Variants in HDAC9 observed in about 807,000 individuals in gnomAD.
HDAC9 encodes MEF-2 interacting transcription repressor (MITR) protein.
HDAC9 carries 41 observed loss-of-function variants against 139.4 expected under a neutral mutation model. That is an observed-to-expected ratio of 0.29 (90% CI 0.23 to 0.38). HDAC9 has a LOEUF of 0.38. HDAC9 is among the 10% of genes least tolerant of loss of function. The pLI, the probability that HDAC9 is intolerant of heterozygous loss-of-function variation, is 1.00. For missense variants in HDAC9, 1,147 were observed against 1,297.0 expected, an observed-to-expected ratio of 0.88 and a Z score of 1.78; for synonymous variants, 517 against 476.2, an observed-to-expected ratio of 1.09 and a Z score of -1.12.
intron 6 of HDAC9, among the ~76,000 whole-genome samples, chr7:18,618,807 A>T (rs1364641655): frequency 6.7e-6 from 1 of 148,812 alleles, no homozygotes; most frequent in Non-Finnish European, 1.5e-5. Context: ...GAATAATTAC[A>T]CAGAATTTTA....
chr7:18,089,042 T>C (rs1245997853), intron 1 of HDAC9, among the ~76,000 whole-genome samples: 1 of 152,228 alleles, frequency 6.6e-6, no homozygotes, highest in Admixed American at 6.5e-5. Context: ...GGCAATCCTG[T>C]CTGACCTTTG....
intron 16 of HDAC9, among the ~76,000 whole-genome samples, chr7:18,770,137 A>G (rs749798114): frequency 3.3e-5 from 5 of 152,162 alleles, no homozygotes; most frequent in Non-Finnish European, 7.3e-5. Context: ...CTGTTGGTCA[A>G]GCAGCTCAGT....
At chr7:18,853,993 G>T (rs1219138368) in intron 21 of HDAC9, among the ~76,000 whole-genome samples, 1 of 152,124 alleles carries the variant, frequency 6.6e-6, no homozygotes, top group Non-Finnish European at 1.5e-5. Context: ...CAAGGAAAAT[G>T]TAGTTCACTT....
At chr7:18,707,873 G>A (rs1379739707) in intron 12 of HDAC9, among the ~76,000 whole-genome samples, 2 of 151,920 alleles carry the variant, frequency 1.3e-5, no homozygotes, top group Non-Finnish European at 2.9e-5. Flanking sequence ...GTGTGTGTGT[G>A]TGTATGCACG....
chr7:18,787,630 G>GAA, intron 16 of HDAC9, among the ~76,000 whole-genome samples: 1 of 152,210 alleles, frequency 6.6e-6, no homozygotes, highest in African/African-American at 2.4e-5. Context: ...GAATATTTAG[G>GAA]GATTTCCATA....
At chr7:18,309,993 C>G (rs1799193438) in intron 1 of HDAC9, among the ~76,000 whole-genome samples, 1 of 152,154 alleles carries the variant, frequency 6.6e-6, no homozygotes, top group Non-Finnish European at 1.5e-5. Flanking sequence ...ATTAGAAATG[C>G]AAATTCTAGG....
chr7:18,588,847 G>A (rs575709179), intron 3 of HDAC9, among the ~76,000 whole-genome samples: 1 of 152,204 alleles, frequency 6.6e-6, no homozygotes, highest in South Asian at 2.1e-4. Context: ...CATCACATGA[G>A]GTCAGGTATG....
chr7:18,498,421 A>G (rs1283310247), intron 2 of HDAC9, among the ~76,000 whole-genome samples: 1 of 152,126 alleles, frequency 6.6e-6, no homozygotes, highest in Non-Finnish European at 1.5e-5. Flanking sequence ...AACCTTCAGC[A>G]AACTGAGATT....
chr7:18,751,611 A>T (rs187440571), intron 14 of HDAC9, among the ~76,000 whole-genome samples: 1 of 152,250 alleles, frequency 6.6e-6, no homozygotes, highest in East Asian at 1.9e-4. Context: ...CATGAAATGG[A>T]ACTTCTAAAA....
At chr7:18,416,080 G>C (rs1353725960) in intron 1 of HDAC9, among the ~76,000 whole-genome samples, 1 of 152,116 alleles carries the variant, frequency 6.6e-6, no homozygotes, top group Non-Finnish European at 1.5e-5. Context: ...GATCACCTGA[G>C]GTCAGGAGTT....
At chr7:18,300,940 C>T (rs1012071690) in intron 1 of HDAC9, among the ~76,000 whole-genome samples, 4 of 152,100 alleles carry the variant, frequency 2.6e-5, no homozygotes, top group African/African-American at 9.7e-5. Flanking sequence ...GGAGAGCTCA[C>T]ACTATTCCTC....
intron 25 of HDAC9, among the ~76,000 whole-genome samples, chr7:18,991,481 C>CA (rs1269913615): frequency 7.2e-5 from 11 of 152,076 alleles, no homozygotes; most frequent in Admixed American, 2.0e-4. Flanking sequence ...ACTAAAAATA[C>CA]AAAAAATTAG....
At chr7:18,564,678 C>T (rs952632288) in intron 2 of HDAC9, among the ~76,000 whole-genome samples, 1 of 152,052 alleles carries the variant, frequency 6.6e-6, no homozygotes, top group Non-Finnish European at 1.5e-5. Context: ...CATTGGGCCT[C>T]TATACCTATT....
At position 18,833,739 on chromosome 7, in the gene HDAC9, T is replaced by A. The variant is rs1796024784; in HGVS notation, c.2467-1728T>A. 3.3e-5 allele frequency among the ~76,000 whole-genome samples: 5 copies of A among 152,210 alleles called. 1 individual carries two copies. In the South Asian group the frequency reaches 1.0e-3, roughly 32 times the overall value. The stretch of plus-strand genomic sequence containing the variant: ...ATGATGTGTATGTGCCCCAACATTA[T>A]GATTTCTTAATTTTGGATATGTGTA... On this transcript the variant is annotated intron_variant, in intron 19 of 25. Coordinates refer to ENST00000686413, the MANE Select transcript of HDAC9 (RefSeq NM_178425.4).
intron 22 of HDAC9, among the ~76,000 whole-genome samples, chr7:18,920,586 A>G (rs1043009293): frequency 6.6e-6 from 1 of 152,126 alleles, no homozygotes; most frequent in African/African-American, 2.4e-5. Context: ...TTCAAAGGGA[A>G]TGCTTCCAGT....
In HDAC9 at chr7:18,732,653, A is replaced by ACACACACG; in HGVS notation, c.1909+4896_1909+4897insCACACACG. On this transcript the variant is annotated intron_variant, in intron 13 of 25. Coordinates refer to ENST00000686413, the MANE Select transcript of HDAC9 (RefSeq NM_178425.4). The stretch of plus-strand genomic sequence containing the variant: ...TGTATATGTGTGCATATGTGTATAT[A>ACACACACG]TACACACACACGTGTATATGTGTGC... Among the ~76,000 whole-genome samples, 7 of 100,068 alleles carry ACACACACG rather than the reference A, an allele frequency of 7.0e-5. 1 individual carries two copies. Among genetic ancestry groups the ACACACACG allele is most frequent in the Admixed American group, 9.7e-5 (1 of 10,346 alleles). The allele number at this position is 100,068 out of a possible 152,430, so 65.6% of individuals were successfully genotyped here. A position where few individuals can be genotyped will look rare whatever the true frequency, so the allele number is the denominator to read the frequency against.
chr7:18,747,359 A>G (rs1056553243), intron 13 of HDAC9, among the ~76,000 whole-genome samples: 1 of 152,188 alleles, frequency 6.6e-6, no homozygotes, highest in African/African-American at 2.4e-5. Flanking sequence ...TGGATTGTGT[A>G]TGGTTTTGGC....
chr7:18,236,497 G>A (rs1262664266), intron 2 of HDAC9, among the ~76,000 whole-genome samples: 4 of 152,182 alleles, frequency 2.6e-5, no homozygotes, highest in Non-Finnish European at 5.9e-5. Flanking sequence ...GTTGTCTGCT[G>A]TTAGCTGGAA....
chr7:18,907,707 A>G (rs1406278497), intron 22 of HDAC9, among the ~76,000 whole-genome samples: 1 of 152,178 alleles, frequency 6.6e-6, no homozygotes, highest in Non-Finnish European at 1.5e-5. Flanking sequence ...CTGGAAAGAA[A>G]ACAAAACTCA....
Sources: allele counts gnomAD v4.1 joint callset (sites outside exome capture counted in the v4.1 genomes callset), GRCh38; gene constraint gnomAD v4.1.1; transcripts MANE v1.5; gene names NCBI Gene and HGNC (gene_info 2026-07-23, HGNC 2026-07-21).